Variants in IGSF3 observed in about 807,000 individuals in gnomAD.
IGSF3 encodes the protein immunoglobulin superfamily member 3.
A neutral mutation model predicts 114.4 loss-of-function variants in IGSF3; 23 were observed. The ratio of observed to expected loss-of-function variants is 0.20; its 90% CI spans 0.14 to 0.28. The LOEUF is 0.28. Ranked by LOEUF, IGSF3 falls within the 10% of genes least tolerant of loss-of-function variation. The pLI, the probability that IGSF3 is intolerant of heterozygous loss-of-function variation, is 1.00. For missense variants in IGSF3, 1,172 were observed against 1,591.5 expected (o/e 0.74, Z 4.48); for synonymous variants, 571 against 645.2 (o/e 0.88, Z 1.74).
intron 4 of IGSF3, among the ~76,000 whole-genome samples, chr1:116,609,840 C>A (rs1660945167): frequency 6.6e-6 from 1 of 152,160 alleles, no homozygotes; most frequent in Non-Finnish European, 1.5e-5. Flanking sequence ...TAAGCAGCAT[C>A]CACATTCTTC....
chr1:116,640,918 A>G (rs1648062544), intron 2 of IGSF3, among the ~76,000 whole-genome samples: 1 of 152,258 alleles, frequency 6.6e-6, no homozygotes, highest in Admixed American at 6.5e-5. Context: ...CCAATCAGAT[A>G]TAAGGATGAA....
chr1:116,660,691 C>G (rs1649077397), intron 2 of IGSF3, among the ~76,000 whole-genome samples: 1 of 151,850 alleles, frequency 6.6e-6, no homozygotes. Context: ...ATCCACCCAC[C>G]TTGGCCTCCC....
chr1:116,599,578 C>T (rs1258821964), intron 7 of IGSF3, among the ~76,000 whole-genome samples: 8 of 152,176 alleles, frequency 5.3e-5, no homozygotes, highest in Admixed American at 1.3e-4. Flanking sequence ...ACTACACTAA[C>T]GTAAAACCCC....
Position 116,584,268 on chromosome 1 carries a change from T to G in IGSF3, c.2848+377A>C, listed in dbSNP as rs1418969785. Among the ~76,000 whole-genome samples the G allele has an allele frequency of 2.0e-5, 3 of 152,180 alleles. No individual in the cohort carries two copies. The highest frequency in any genetic ancestry group is 2.0e-4 in the Admixed American group (3 of 15,280). On this transcript the variant is annotated intron_variant, in intron 9 of 10. Transcript: ENST00000369486. This position sits in a 1 kb window ranked among gnomAD's most constrained non-coding sequence, Gnocchi z 5.8. ...TTCATTGTTTTCTATTTAAAGCATG[T>G]AAATCGATTACTTTCCACTGAAAAT...
In IGSF3 at chr1:116,592,747, A is replaced by G. The variant is rs1243915704; in HGVS notation, c.2030-3643T>C. Among the ~76,000 whole-genome samples, 1 of 152,144 alleles carries G rather than the reference A, an allele frequency of 6.6e-6. No individual in the cohort carries two copies. Among genetic ancestry groups the G allele is most frequent in the Non-Finnish European group, 1.5e-5 (1 of 68,016 alleles). Reference sequence around the variant, plus strand: ...GCTGTGTTACTGCTGCCTTACAACGAAGGTAATTCTTAAAATCTTCTCTTT... The same window carrying G: ...GCTGTGTTACTGCTGCCTTACAACGGAGGTAATTCTTAAAATCTTCTCTTT... On this transcript the variant is annotated intron_variant, in intron 7 of 10. Transcript: ENST00000369486. This position sits in a 1 kb window ranked among gnomAD's most constrained non-coding sequence, Gnocchi z 4.5.
rs1392343076 is a variant in IGSF3 at position 116,607,220 on chromosome 1, T to A, written c.1222+722A>T. On this transcript the variant is annotated intron_variant, in intron 5 of 10. Transcript: ENST00000369486. The surrounding 1 kb of genome is among the most constrained non-coding windows in gnomAD (Gnocchi z 6.1). The stretch of plus-strand genomic sequence containing the variant: ...AATGAGATTAATAAGAATATCTTGA[T>A]ACTATGAATGTTTAAACACAACACA... 1.3e-5 allele frequency among the ~76,000 whole-genome samples: 2 copies of A among 152,196 alleles called. No homozygotes were observed. The highest frequency in any genetic ancestry group is 4.8e-5 in the African/African-American group (2 of 41,440).
In IGSF3 at chr1:116,633,235, G is replaced by A. The variant is rs915124402; in HGVS notation, c.44-16778C>T. ...CTGGGTTCAACCATTCCCACCCACT[G>A]CCGGATCAAGCACTTCCCACCTCCT... On this transcript the variant is annotated intron_variant, in intron 2 of 10. Transcript: ENST00000369486. The surrounding 1 kb of genome is among the most constrained non-coding windows in gnomAD (Gnocchi z 4.3). Among the ~76,000 whole-genome samples the A allele has an allele frequency of 4.6e-5, 7 of 152,156 alleles. No individual in the cohort carries two copies. The highest frequency in any genetic ancestry group is 1.7e-4 in the African/African-American group (7 of 41,422).
intron 2 of IGSF3, among the ~76,000 whole-genome samples, chr1:116,645,303 CAA>C (rs1648311518): frequency 6.6e-6 from 1 of 152,210 alleles, no homozygotes; most frequent in South Asian, 2.1e-4. Context: ...CTGTACAGTG[CAA>C]AACTGTAGTG....
intron 2 of IGSF3, among the ~76,000 whole-genome samples, chr1:116,620,490 C>T (rs953416060): frequency 2.0e-5 from 3 of 152,176 alleles, no homozygotes; most frequent in Non-Finnish European, 4.4e-5. Flanking sequence ...CCCTCTCAGA[C>T]CTTGCCCTAT....
At chr1:116,631,292 T>A (rs1428795222) in intron 2 of IGSF3, among the ~76,000 whole-genome samples, 8 of 121,444 alleles carry the variant, frequency 6.6e-5, no homozygotes, top group Non-Finnish European at 1.1e-4. Flanking sequence ...CACTCCAGCC[T>A]GGGCGACAGA....
rs1659736986 is a variant in IGSF3, at chr1:116,584,627, G to A, written c.2848+18C>T. 2 of 1,613,380 alleles carry A rather than the reference G, an allele frequency of 1.2e-6. No homozygotes were observed. The highest frequency in any genetic ancestry group is 8.5e-7 in the Non-Finnish European group (1 of 1,179,386). On this transcript the variant is annotated intron_variant, in intron 9 of 10. Transcript: ENST00000369486. The surrounding 1 kb of genome is among the most constrained non-coding windows in gnomAD (Gnocchi z 5.8). ...GAAACACCAGAGGGAGTGGAAGCTT[G>A]GGGACGTGGACCCTCACCTGGTCGC...
rs947239022 is a variant in IGSF3 at position 116,657,384 on chromosome 1, C to T, written c.43+8900G>A. Among the ~76,000 whole-genome samples the T allele has an allele frequency of 2.0e-5, 3 of 152,286 alleles. No individual in the cohort carries two copies. Among genetic ancestry groups the T allele is most frequent in the South Asian group, 2.1e-4 (1 of 4,824 alleles). On this transcript the variant is annotated intron_variant, in intron 2 of 10. Transcript: ENST00000369486. The surrounding 1 kb of genome is among the most constrained non-coding windows in gnomAD (Gnocchi z 4.2). ...GCAGCACATGGGGTTGGGAAGCTGACGACCTTAGAGATTTCAAAATCACCT... is the reference window on the plus strand; with the variant it reads ...GCAGCACATGGGGTTGGGAAGCTGATGACCTTAGAGATTTCAAAATCACCT...
intron 8 of IGSF3, among the ~76,000 whole-genome samples, chr1:116,586,790 A>G (rs1459817918): frequency 2.0e-5 from 3 of 152,106 alleles, no homozygotes; most frequent in Non-Finnish European, 2.9e-5. Flanking sequence ...TTCAGTAGAG[A>G]AAATAATCAG....
chr1:116,641,669 G>C (rs896723809), intron 2 of IGSF3, among the ~76,000 whole-genome samples: 16 of 152,032 alleles, frequency 1.1e-4, no homozygotes, highest in African/African-American at 3.6e-4. Context: ...AACAGGCAGA[G>C]AGCAGAGCTG....
In IGSF3 at chr1:116,577,503, A is replaced by G. The variant is rs1294138123; in HGVS notation, c.3394T>C (p.Tyr1132His). The G allele has an allele frequency of 1.2e-6, 2 of 1,614,136 alleles. No individual in the cohort carries two copies. The highest frequency in any genetic ancestry group is 1.7e-5 in the Admixed American group (1 of 60,028). ...NDALFYFVFFYPFPIFGILII... is the reference protein window; with the variant it reads ...NDALFYFVFFHPFPIFGILII... ...AGAATGCCAAAGATGGGGAAAGGGT[A>G]GAAGAAGACGAAGTAGAAGAGTGCG... is the stretch of plus-strand genomic sequence containing the variant. Residue 1132 changes from tyrosine to histidine, a missense_variant, in exon 11 of 11, where the codon TAC (tyrosine) becomes CAC (histidine). Physicochemically the swap from Tyr to His is moderately conservative, Grantham distance 83. Transcript: ENST00000369486. This position sits in a 1 kb window ranked among gnomAD's most constrained non-coding sequence, Gnocchi z 5.7.
rs1648516317 is a variant in IGSF3 at position 116,648,930 on chromosome 1, A to T, written c.43+17354T>A. ...CCAAGATGTAAACCTGCCCCCAGAA[A>T]CACTGAGAGTCCTAGAGGTAGAATG... On this transcript the variant is annotated intron_variant, in intron 2 of 10. Coordinates refer to ENST00000369486, the MANE Select transcript of IGSF3 (RefSeq NM_001007237.3). The surrounding 1 kb of genome is among the most constrained non-coding windows in gnomAD (Gnocchi z 4.7). 6.6e-6 allele frequency among the ~76,000 whole-genome samples: 1 copy of T among 152,186 alleles called. No individual in the cohort carries two copies. The highest frequency in any genetic ancestry group is 1.5e-5 in the Non-Finnish European group (1 of 68,030).
rs755131645 is a variant in IGSF3, at chr1:116,588,946, T to G, written c.2188A>C (p.Ile730Leu). Residue 730 changes from isoleucine to leucine, a missense_variant, in exon 8 of 11, where the codon ATC becomes CTC. Physicochemically the swap from Ile to Leu is conservative, Grantham distance 5. Around this residue, in one of 3 missense-constraint regions of IGSF3, gnomAD observed 736 missense variants for 1,042.0 expected, o/e 0.71. Transcript: ENST00000369486. The surrounding 1 kb of genome is among the most constrained non-coding windows in gnomAD (Gnocchi z 4.9). The part of the protein sequence containing the change: ...HKPSDADGKL[I>L]LKTTHNSAFE... ...GCGGAGTTGTGGGTGGTCTTCAGGA[T>G]AAGCTTGCCATCGGCATCCGAGGGC... The G allele has an allele frequency of 3.1e-6, 5 of 1,614,212 alleles. No individual in the cohort carries two copies. The East Asian group carries it at 1.1e-4, about 36-fold the overall frequency.
rs188625996 is a variant in IGSF3 at position 116,596,410 on chromosome 1, C to T, written c.2029+3531G>A. ...GGGAGAGCAAAAGAAGAGAGGACAG[C>T]GCTGGTTCGGAGCTCTGGTATCCGC... On this transcript the variant is annotated intron_variant, in intron 7 of 10. Coordinates refer to ENST00000369486, the MANE Select transcript of IGSF3 (RefSeq NM_001007237.3). This position sits in a 1 kb window ranked among gnomAD's most constrained non-coding sequence, Gnocchi z 4.1. 5.9e-5 allele frequency among the ~76,000 whole-genome samples: 9 copies of T among 152,294 alleles called. No homozygotes were observed. The East Asian group carries it at 1.7e-3, about 29-fold the overall frequency.
In IGSF3 at chr1:116,627,557, G is replaced by A. The variant is rs1347830787; in HGVS notation, c.44-11100C>T. On this transcript the variant is annotated intron_variant, in intron 2 of 10. Transcript: ENST00000369486. The surrounding 1 kb of genome is among the most constrained non-coding windows in gnomAD (Gnocchi z 4.7). ...CCTCTCAATGCTCTCACAGCTTCAG[G>A]AAGAGGACTGCTAAGCCCAGGGCCC... Among the ~76,000 whole-genome samples, 1 of 152,216 alleles carries A rather than the reference G, an allele frequency of 6.6e-6. No homozygotes were observed. The highest frequency in any genetic ancestry group is 1.5e-5 in the Non-Finnish European group (1 of 68,042).
Sources: gnomAD v4.1 joint callset for allele counts (sites outside exome capture counted in the v4.1 genomes callset) on GRCh38, gnomAD v4.1.1 for gene constraint, gnomAD v4.1.1 regional missense constraint, Gnocchi (gnomAD v3.1) non-coding constraint, MANE v1.5 for transcripts, NCBI Gene and HGNC (gene_info 2026-07-23, HGNC 2026-07-21) for gene names.